Variants in PHF2 observed in about 807,000 individuals in gnomAD.
The protein encoded by PHF2 is PHD finger protein 2, also known as lysine-specific demethylase PHF2.
In PHF2, 27 loss-of-function variants were observed where a neutral mutation model predicts 120.5. The observed-to-expected ratio is 0.22, with a 90% CI of 0.17 to 0.31. The LOEUF is 0.31. Ranked by LOEUF, PHF2 falls within the 10% of genes least tolerant of loss-of-function variation. The pLI is 1.00. For synonymous variants in PHF2, 568 were observed against 592.5 expected (o/e 0.96, Z 0.60); for missense variants, 1,024 against 1,434.8 (o/e 0.71, Z 4.63).
In PHF2 at chr9:93,654,521, G is replaced by C; in HGVS notation, c.898G>C (p.Asp300His). Residue 300 changes from aspartate to histidine, a missense_variant, in exon 7 of 22, where the codon GAC becomes CAC. Asp to His is a moderately conservative substitution (Grantham distance 81, BLOSUM62 -1). This residue lies in a region of PHF2 where 347 missense variants were observed against 577.4 expected (regional missense o/e 0.60). Coordinates refer to ENST00000359246, the MANE Select transcript of PHF2 (RefSeq NM_005392.4). ...CGAGATGTTCTTTGCTGACCAGGTC[G>C]ACAAATGCTACAAGTGCATCGTCAA... ...HSEMFFADQV[D>H]KCYKCIVKQG... 6.2e-7 allele frequency: 1 copy of C among 1,614,058 alleles called. No homozygotes were observed. Among genetic ancestry groups the C allele is most frequent in the Non-Finnish European group, 8.5e-7 (1 of 1,180,026 alleles).
intron 5 of PHF2, among the ~76,000 whole-genome samples, chr9:93,649,713 C>T (rs1337620113): frequency 3.9e-5 from 6 of 151,922 alleles, no homozygotes; most frequent in African/African-American, 1.2e-4. Flanking sequence ...CTCATGGACA[C>T]TCCAATGCAT....
intron 1 of PHF2, among the ~76,000 whole-genome samples, chr9:93,604,520 A>G (rs1468711807): frequency 6.7e-6 from 1 of 150,120 alleles, no homozygotes; most frequent in East Asian, 2.0e-4. Context: ...GCTGGAGTGC[A>G]GTGGCGCGAT....
Position 93,679,317 on chromosome 9 carries a change from ATTCAGAACTGGTGT to A in PHF2, c.*1644_*1657del, listed in dbSNP as rs1344186958. ...GGGAGTCTCACGGGGCCCCAGGCTT[ATTCAGAACTGGTGT>A]TTTTAAAGTTTCCTTTACCCTGCCC... On this transcript the variant is annotated 3_prime_UTR_variant, in exon 22 of 22. Coordinates refer to ENST00000359246, the MANE Select transcript of PHF2 (RefSeq NM_005392.4). 1 of 453,630 alleles carries A rather than the reference ATTCAGAACTGGTGT, an allele frequency of 2.2e-6. No homozygotes were observed. Among genetic ancestry groups the A allele is most frequent in the Non-Finnish European group, 4.4e-6 (1 of 226,424 alleles). 28.1% of individuals were successfully genotyped at this position (453,630 alleles called of 1,614,324 possible).
At chr9:93,650,741 C>A (rs768245108) in intron 5 of PHF2, among the ~76,000 whole-genome samples, 10 of 152,194 alleles carry the variant, frequency 6.6e-5, no homozygotes, top group Non-Finnish European at 1.5e-4. Context: ...CACCCCCGCT[C>A]CATCACATCA....
rs145764244 is a variant in PHF2 at position 93,673,658 on chromosome 9, G to A, written c.2422G>A (p.Asp808Asn). The A allele has an allele frequency of 1.2e-3, 1,942 of 1,610,698 alleles. 4 individuals carry two copies. The highest frequency in any genetic ancestry group is 1.5e-3 in the Non-Finnish European group (1,825 of 1,178,150). The change falls in exon 18 of 22, where the codon GAC becomes AAC. Residue 808 changes from aspartate (D) to asparagine (N), a missense_variant. Physicochemically the swap from Asp to Asn is conservative, Grantham distance 23 (BLOSUM62 1). Transcript: ENST00000359246. ...MLSMANLQASDSCLQTTWGAG... is the reference protein window; with the variant it reads ...MLSMANLQASNSCLQTTWGAG... ...GTCCATGGCCAACCTGCAGGCCTCC[G>A]ACTCCTGCCTGCAGACCACGTGGGG...
At chr9:93,636,259 G>A in intron 2 of PHF2, 152 bp from the exon 3 acceptor site, 1 of 617,476 alleles carries the variant, frequency 1.6e-6, no homozygotes, top group South Asian at 1.9e-5. Flanking sequence ...GCATGGCAGG[G>A]TGGGGGTGTC....
At position 93,674,630 on chromosome 9, in the gene PHF2, G is replaced by A. The variant is rs1457387455; in HGVS notation, c.2627-297G>A. On this transcript the variant is annotated intron_variant, in intron 18 of 21. Coordinates refer to ENST00000359246, the MANE Select transcript of PHF2 (RefSeq NM_005392.4). The stretch of plus-strand genomic sequence containing the variant: ...CGGAGGGCAGCCCTTAGAGGCCAGG[G>A]GCTTGCAGGCACTGGGGCTAGGCTG... Among the ~76,000 whole-genome samples the A allele has an allele frequency of 1.3e-5, 2 of 152,160 alleles. 1 individual carries two copies.
Position 93,625,468 on chromosome 9 carries a change from C to CTT in PHF2, c.99-4477_99-4476dup, listed in dbSNP as rs905164226. ...TATGTACAAGGATTTGTTTGAGTACCTTTTTTTTTTTTTTTTTTTTTTTTT... is the reference window on the plus strand; with the variant it reads ...TATGTACAAGGATTTGTTTGAGTACCTTTTTTTTTTTTTTTTTTTTTTTTTTT... On this transcript the variant is annotated intron_variant, in intron 1 of 21. Coordinates refer to ENST00000359246, the MANE Select transcript of PHF2 (RefSeq NM_005392.4). Among the ~76,000 whole-genome samples the CTT allele has an allele frequency of 2.2e-3, 204 of 94,712 alleles. 17 individuals are homozygous for CTT. The highest frequency in any genetic ancestry group is 8.3e-3 in the African/African-American group (155 of 18,720). 62.1% of individuals were successfully genotyped at this position (94,712 alleles called of 152,430 possible). A position where few individuals can be genotyped will look rare whatever the true frequency, so the allele number is the denominator to read the frequency against.
chr9:93,619,502 G>A (rs905437157), intron 1 of PHF2, among the ~76,000 whole-genome samples: 15 of 152,240 alleles, frequency 9.9e-5, no homozygotes, highest in African/African-American at 2.9e-4. Flanking sequence ...TGGTGGATGC[G>A]GGCCTTCACC....
chr9:93,645,799 A>T lies in PHF2; in HGVS notation c.460+10A>T. On this transcript the variant is annotated intron_variant, in intron 4 of 21. Transcript: ENST00000359246. ...GTCGAGAACTACGTGGGTAAGCGCC[A>T]TCCCCTTCACAGTGCTCTGGGGCTG... 6.4e-7 allele frequency: 1 copy of T among 1,572,478 alleles called. No individual in the cohort carries two copies. Among genetic ancestry groups the T allele is most frequent in the African/African-American group, 1.3e-5 (1 of 74,152 alleles).
Position 93,665,816 on chromosome 9 carries a change from G to A in PHF2, c.2068G>A (p.Glu690Lys), listed in dbSNP as rs1236979930. The part of the protein sequence containing the change: ...VSDDGELKID[E>K]FPIRRKKNAP... ...GGATGACGGTGAGCTCAAGATCGACGAGTTTCCCATCAGGAGGAAGAAAAA... is the reference window on the plus strand; with the variant it reads ...GGATGACGGTGAGCTCAAGATCGACAAGTTTCCCATCAGGAGGAAGAAAAA... Residue 690 changes from glutamate to lysine, a missense_variant, in exon 15 of 22, where the codon GAG (glutamate) becomes AAG (lysine). Coordinates refer to ENST00000359246, the MANE Select transcript of PHF2 (RefSeq NM_005392.4). The A allele has an allele frequency of 6.2e-7, 1 of 1,612,808 alleles. No individual in the cohort carries two copies. The highest frequency in any genetic ancestry group is 8.5e-7 in the Non-Finnish European group (1 of 1,179,564).
In PHF2 at chr9:93,677,530, A is replaced by G; in HGVS notation, c.3203-58A>G. The G allele has an allele frequency of 7.6e-7, 1 of 1,322,366 alleles. No homozygotes were observed. Among genetic ancestry groups the G allele is most frequent in the Non-Finnish European group, 1.1e-6 (1 of 921,378 alleles). 81.9% of individuals were successfully genotyped at this position (1,322,366 alleles called of 1,614,324 possible). A position where few individuals can be genotyped will look rare whatever the true frequency, so the allele number is the denominator to read the frequency against. On this transcript the variant is annotated intron_variant, in intron 21 of 21. Coordinates refer to ENST00000359246, the MANE Select transcript of PHF2 (RefSeq NM_005392.4). The surrounding 1 kb of genome is among the most constrained non-coding windows in gnomAD (Gnocchi z 4.4). Reference sequence around the variant, plus strand: ...GGACCCTCCCCCCCACCGGCATGCCACGCCCCTTGCCATCTAGCTTACCTT... The same window carrying G: ...GGACCCTCCCCCCCACCGGCATGCCGCGCCCCTTGCCATCTAGCTTACCTT...
intron 19 of PHF2, 98 bp downstream of exon 19, chr9:93,675,120 C>A (rs1484693411): frequency 2.1e-6 from 2 of 955,524 alleles, no homozygotes; most frequent in Non-Finnish European, 3.3e-6. Context: ...GTGGGCTCAG[C>A]TCTGCACCTG....
intron 1 of PHF2, among the ~76,000 whole-genome samples, chr9:93,588,593 C>A (rs2026942): frequency 0.37 from 56,824 of 152,064 alleles, 11,091 homozygotes; most frequent in South Asian, 0.63. Context: ...CCCTGCCCCC[C>A]AGAAAAACAC....
chr9:93,604,504 G>T (rs1401319983), intron 1 of PHF2, among the ~76,000 whole-genome samples: 2 of 148,308 alleles, frequency 1.3e-5, no homozygotes, highest in African/African-American at 5.0e-5. Flanking sequence ...TCGCTCTGTC[G>T]CCCAGGCTGG....
At chr9:93,602,660 T>C (rs142905726) in intron 1 of PHF2, among the ~76,000 whole-genome samples, 1 of 152,160 alleles carries the variant, frequency 6.6e-6, no homozygotes, top group Non-Finnish European at 1.5e-5. Context: ...TGGTTATGCC[T>C]GGGTCCTAGC....
chr9:93,615,344 AATGATG>A (rs957591577), intron 1 of PHF2, among the ~76,000 whole-genome samples: 2 of 150,246 alleles, frequency 1.3e-5, no homozygotes, highest in African/African-American at 2.5e-5. Context: ...TGATGATAGC[AATGATG>A]GTGATGGTGA....
chr9:93,618,729 CCTGTGTGT>C (rs1825767323), intron 1 of PHF2, among the ~76,000 whole-genome samples: 1 of 151,200 alleles, frequency 6.6e-6, no homozygotes, highest in Admixed American at 6.6e-5. Context: ...CGCTTGCACA[CCTGTGTGT>C]ATGTGTGTGT....
chr9:93,610,901 G>A (rs1825622668), intron 1 of PHF2, among the ~76,000 whole-genome samples: 1 of 152,168 alleles, frequency 6.6e-6, no homozygotes, highest in Non-Finnish European at 1.5e-5. Flanking sequence ...ATTGTTGAAG[G>A]ATTGAAAGTG....
Sources: allele counts gnomAD v4.1 joint callset (sites outside exome capture counted in the v4.1 genomes callset), GRCh38; gene constraint gnomAD v4.1.1; regional missense constraint gnomAD v4.1.1; non-coding constraint Gnocchi (gnomAD v3.1); transcripts MANE v1.5; gene names NCBI Gene and HGNC (gene_info 2026-07-23, HGNC 2026-07-21).